The following CSMD1 variants were observed in gnomAD, a reference collection of about 807,000 sequenced individuals.
CSMD1 encodes CUB and sushi domain-containing protein 1.
CSMD1 carries 213 observed loss-of-function variants against 417.5 expected under a neutral mutation model. That is an observed-to-expected ratio of 0.51 (90% CI 0.46 to 0.57). CSMD1 has a LOEUF of 0.57. Ranked by LOEUF, CSMD1 falls within the 20% of genes least tolerant of loss-of-function variation. CSMD1 has a pLI of 0.00. For missense variants in CSMD1, 6,923 were observed against 4,529.7 expected (o/e 1.53, Z -15.17); for synonymous variants, 2,862 against 1,736.8 (o/e 1.65, Z -16.11).
chr8:4,480,926 T>G (rs1025294190), intron 2 of CSMD1, among the ~76,000 whole-genome samples: 2 of 152,202 alleles, frequency 1.3e-5, no homozygotes, highest in Admixed American at 6.5e-5. Context: ...ATCATCTTAG[T>G]GACTGGCCCT....
chr8:4,464,108 A>G (rs927315692), intron 2 of CSMD1, among the ~76,000 whole-genome samples: 27 of 152,044 alleles, frequency 1.8e-4, no homozygotes, highest in African/African-American at 6.0e-4. Context: ...AAAGAATGAG[A>G]TAGAGCTCAG....
chr8:3,262,246 A>C (rs185646926), intron 26 of CSMD1, among the ~76,000 whole-genome samples: 1 of 121,658 alleles, frequency 8.2e-6, no homozygotes, highest in African/African-American at 3.2e-5. Flanking sequence ...CACATAGTTA[A>C]TTTCAAAATT....
At chr8:4,832,960 G>T (rs7018016) in intron 1 of CSMD1, among the ~76,000 whole-genome samples, 1 of 152,014 alleles carries the variant, frequency 6.6e-6, no homozygotes, top group Non-Finnish European at 1.5e-5. Flanking sequence ...TTTCATCAAG[G>T]AAATTCCTGG....
intron 3 of CSMD1, among the ~76,000 whole-genome samples, chr8:4,100,129 C>T (rs973944782): frequency 5.3e-5 from 8 of 152,134 alleles, no homozygotes; most frequent in African/African-American, 1.9e-4. Flanking sequence ...AAATTACTTA[C>T]TTTTCCCAAT....
At chr8:3,671,501 ATATATATATATG>A (rs1164265929) in intron 7 of CSMD1, among the ~76,000 whole-genome samples, 6 of 7,752 alleles carry the variant, frequency 7.7e-4, no homozygotes, top group African/African-American at 3.2e-3. Context: ...ATGATCATAT[ATATATATATATG>A]ATCATATATA....
intron 3 of CSMD1, among the ~76,000 whole-genome samples, chr8:4,271,813 C>G (rs928637115): frequency 6.6e-6 from 1 of 152,146 alleles, no homozygotes; most frequent in African/African-American, 2.4e-5. Context: ...TGCAAGCTTA[C>G]ATGTGATTAC....
intron 29 of CSMD1, 47 bp from the exon 30 acceptor site, chr8:3,214,738 C>T: frequency 1.4e-6 from 2 of 1,454,540 alleles, no homozygotes; most frequent in Non-Finnish European, 1.8e-6. Context: ...GGATCTTATT[C>T]TTGTTTGTGT....
At chr8:3,421,920 G>A (rs755250378) in intron 12 of CSMD1, among the ~76,000 whole-genome samples, 10 of 151,618 alleles carry the variant, frequency 6.6e-5, no homozygotes, top group Non-Finnish European at 8.8e-5. Flanking sequence ...TTACAGGCGT[G>A]AGCCACGGCG....
At chr8:4,779,899 T>C (rs1261206917) in intron 1 of CSMD1, among the ~76,000 whole-genome samples, 1 of 151,848 alleles carries the variant, frequency 6.6e-6, no homozygotes, top group Admixed American at 6.6e-5. Flanking sequence ...CCTTGCTTTT[T>C]CTTTTTTCTT....
At chr8:4,213,566 G>C (rs1219928521) in intron 3 of CSMD1, among the ~76,000 whole-genome samples, 1 of 152,150 alleles carries the variant, frequency 6.6e-6, no homozygotes, top group Non-Finnish European at 1.5e-5. Flanking sequence ...AAACACTTTT[G>C]CTCTCCCACT....
At chr8:3,589,935 T>G (rs552678078) in intron 8 of CSMD1, among the ~76,000 whole-genome samples, 1 of 137,588 alleles carries the variant, frequency 7.3e-6, no homozygotes, top group East Asian at 2.1e-4. Flanking sequence ...TGGCAATATA[T>G]GTTTATCATC....
chr8:4,315,828 G>A lies in CSMD1; in HGVS notation c.415+104125C>T, dbSNP rs140038569. Among the ~76,000 whole-genome samples, 535 of 152,022 alleles carry A rather than the reference G, an allele frequency of 3.5e-3. 1 individual carries two copies. The highest frequency in any genetic ancestry group is 0.012 in the African/African-American group (504 of 41,472). On this transcript the variant is annotated intron_variant, in intron 3 of 69. Transcript: ENST00000635120. ...CTTTTTTTCTTTATTCTTCAGAAGCGTTTTCAAAAATTTGTTTCATATTAT... is the reference window on the plus strand; with the variant it reads ...CTTTTTTTCTTTATTCTTCAGAAGCATTTTCAAAAATTTGTTTCATATTAT...
chr8:4,786,369 G>A (rs550595978), intron 1 of CSMD1, among the ~76,000 whole-genome samples: 1 of 152,176 alleles, frequency 6.6e-6, no homozygotes, highest in Non-Finnish European at 1.5e-5. Flanking sequence ...GATTAAAATG[G>A]CAGGTGCAGA....
chr8:4,590,503 A>G (rs1415524973), intron 2 of CSMD1, among the ~76,000 whole-genome samples: 2 of 152,192 alleles, frequency 1.3e-5, no homozygotes, highest in African/African-American at 4.8e-5. Context: ...GCTTTATTTC[A>G]TATATTTGAA....
chr8:4,507,336 C>G (rs1802580473), intron 2 of CSMD1, among the ~76,000 whole-genome samples: 1 of 152,166 alleles, frequency 6.6e-6, no homozygotes, highest in African/African-American at 2.4e-5. Context: ...TCAATTAACG[C>G]CACCCTAATC....
At chr8:4,977,223 C>T (rs565810683) in intron 1 of CSMD1, among the ~76,000 whole-genome samples, 1 of 152,230 alleles carries the variant, frequency 6.6e-6, no homozygotes, top group Non-Finnish European at 1.5e-5. Flanking sequence ...TACATATTCC[C>T]TTCAATAAAA....
chr8:4,814,493 C>G (rs1037614675), intron 1 of CSMD1, among the ~76,000 whole-genome samples: 1 of 152,180 alleles, frequency 6.6e-6, no homozygotes, highest in African/African-American at 2.4e-5. Flanking sequence ...GTGATCCACC[C>G]ACCTCGGCCT....
chr8:3,725,666 C>T (rs946909318), intron 6 of CSMD1, among the ~76,000 whole-genome samples: 29 of 151,756 alleles, frequency 1.9e-4, no homozygotes, highest in African/African-American at 7.0e-4. Flanking sequence ...AGTGGAGGAC[C>T]CGGTCTCAGA....
chr8:3,958,297 A>T (rs1045685474), intron 5 of CSMD1, among the ~76,000 whole-genome samples: 1 of 145,462 alleles, frequency 6.9e-6, no homozygotes, highest in African/African-American at 2.6e-5. Flanking sequence ...GTGGAAAAAA[A>T]GTTTCATTTT....
Sources: gnomAD v4.1 joint callset for allele counts (sites outside exome capture counted in the v4.1 genomes callset) on GRCh38, gnomAD v4.1.1 for gene constraint, MANE v1.5 for transcripts, NCBI Gene and HGNC (gene_info 2026-07-23, HGNC 2026-07-21) for gene names.